Variants in RAD21L1 observed in about 807,000 individuals in gnomAD.
RAD21L1 encodes the protein double-strand-break repair protein rad21-like protein 1.
In RAD21L1, 47 loss-of-function variants were observed where a neutral mutation model predicts 69.0. The ratio of observed to expected loss-of-function variants is 0.68; its 90% CI spans 0.54 to 0.87. The LOEUF is 0.87. Among genes scored for constraint, RAD21L1 ranks in the 40% least tolerant of loss-of-function variants. The pLI is 0.00. For synonymous variants in RAD21L1, 177 were observed against 205.8 expected, an observed-to-expected ratio of 0.86 and a Z score of 1.20; for missense variants, 583 against 647.6, an observed-to-expected ratio of 0.90 and a Z score of 1.08.
At chr20:1,251,931 T>G (rs919710332) in intron 13 of RAD21L1, among the ~76,000 whole-genome samples, 1 of 152,212 alleles carries the variant, frequency 6.6e-6, no homozygotes, top group African/African-American at 2.4e-5. Flanking sequence ...TTGACATATG[T>G]GTACAACTGT....
At chr20:1,244,199 T>C (rs2087675827) in intron 11 of RAD21L1, 29 bp downstream of exon 11, 4 of 1,457,314 alleles carry the variant, frequency 2.7e-6, no homozygotes, top group Non-Finnish European at 3.7e-6. Context: ...ATCGTAAAAA[T>C]ATTTTATTTT....
chr20:1,243,644 T>A (rs952024301), intron 10 of RAD21L1, among the ~76,000 whole-genome samples: 1 of 152,196 alleles, frequency 6.6e-6, no homozygotes, highest in African/African-American at 2.4e-5. Flanking sequence ...GTATTAATAA[T>A]CACTGATTAT....
chr20:1,238,840 T>A (rs530527951), intron 6 of RAD21L1, among the ~76,000 whole-genome samples: 2 of 152,288 alleles, frequency 1.3e-5, no homozygotes, highest in African/African-American at 4.8e-5. Context: ...ATTATTATTT[T>A]TGAGACGGAG....
intron 10 of RAD21L1, 44 bp downstream of exon 10, chr20:1,243,240 A>C: frequency 1.0e-6 from 1 of 973,512 alleles, no homozygotes. Context: ...AATGCTGTGG[A>C]AACAAAAATT....
intron 8 of RAD21L1, 111 bp from the exon 9 acceptor site, chr20:1,242,508 C>G: frequency 2.5e-6 from 2 of 808,718 alleles, no homozygotes; most frequent in Non-Finnish European, 4.1e-6. Context: ...GCTAGGATTA[C>G]AGGCATGAGC....
chr20:1,242,310 T>C (rs1439192063), intron 8 of RAD21L1, among the ~76,000 whole-genome samples: 1 of 152,134 alleles, frequency 6.6e-6, no homozygotes, highest in Non-Finnish European at 1.5e-5. Context: ...TCAGCTCACT[T>C]CAACCTCTGC....
rs539878873 is a variant in RAD21L1, at chr20:1,251,946, C to A, written c.1480-2323C>A. ...TTGACATATGTGTACAACTGTAAAA[C>A]CTTCACCACAATCAAGGAGTAAACA... On this transcript the variant is annotated intron_variant, in intron 13 of 13. Transcript: ENST00000683101. Among the ~76,000 whole-genome samples, 130 of 152,082 alleles carry A rather than the reference C, an allele frequency of 8.5e-4. 2 individuals carry two copies. The highest frequency in any genetic ancestry group is 1.0e-3 in the South Asian group (5 of 4,818).
rs1318926556 is a variant in RAD21L1 at position 1,240,301 on chromosome 20, T to TA, written c.743-20_743-19insA. The TA allele has an allele frequency of 1.2e-5, 18 of 1,522,706 alleles. No homozygotes were observed. The highest frequency in any genetic ancestry group is 2.3e-5 in the Admixed American group (1 of 44,194). The allele number at this position is 1,522,706 out of a possible 1,614,324, so 94.3% of individuals were successfully genotyped here. A position where few individuals can be genotyped will look rare whatever the true frequency, so the allele number is the denominator to read the frequency against. On this transcript the variant is annotated intron_variant, in intron 7 of 13. Transcript: ENST00000683101. ...CTAACTGGTTTTTTTTACAATTACT[T>TA]TTATGTGGATGTTGATTAGTTGAAC...
intron 8 of RAD21L1, 106 bp downstream of exon 8, chr20:1,240,540 G>C: frequency 1.4e-6 from 2 of 1,420,288 alleles, no homozygotes; most frequent in Non-Finnish European, 1.8e-6. Context: ...AGTCAATCTA[G>C]TAATAGCACT....
intron 4 of RAD21L1, 140 bp from the exon 5 acceptor site, chr20:1,233,945 A>G (rs2087445037): frequency 1.9e-6 from 1 of 526,192 alleles, no homozygotes; most frequent in South Asian, 3.1e-5. Context: ...ATATACATGT[A>G]TATATAATAA....
chr20:1,240,173 T>C, intron 7 of RAD21L1, 148 bp from the exon 8 acceptor site: 2 of 1,343,436 alleles, frequency 1.5e-6, no homozygotes, highest in East Asian at 2.9e-5. Flanking sequence ...TTCAGCTCTA[T>C]TAAATAAATG....
At chr20:1,232,955 C>T (rs1016778832) in intron 4 of RAD21L1, among the ~76,000 whole-genome samples, 2 of 152,074 alleles carry the variant, frequency 1.3e-5, no homozygotes, top group African/African-American at 4.8e-5. Context: ...TAAAAGAGAC[C>T]TGTAGGAGTT....
Position 1,239,346 on chromosome 20 carries a change from A to G in RAD21L1, c.681A>G (p.Leu227=), listed in dbSNP as rs946857037. 6.5e-7 allele frequency: 1 copy of G among 1,549,510 alleles called. No homozygotes were observed. The highest frequency in any genetic ancestry group is 8.7e-7 in the Non-Finnish European group (1 of 1,144,946). ...NLLQDDQNIL[L]EDMHLNREIS... is the part of the protein sequence containing the mutation. ...TGCAAGATGATCAGAATATCCTGTT[A>G]GAAGACATGCATTTGAACAGAGAAA... The change falls in exon 7 of 14, where the codon TTA becomes TTG. Residue 227 remains leucine (L), a synonymous_variant. Transcript: ENST00000683101.
At chr20:1,234,409 A>G (rs545822807) in intron 5 of RAD21L1, among the ~76,000 whole-genome samples, 1 of 152,326 alleles carries the variant, frequency 6.6e-6, no homozygotes, top group Admixed American at 6.5e-5. Context: ...CATTTACTGA[A>G]TACCTACTCT....
intron 11 of RAD21L1, among the ~76,000 whole-genome samples, chr20:1,245,635 G>C (rs1449489879): frequency 2.6e-5 from 4 of 152,050 alleles, no homozygotes; most frequent in Non-Finnish European, 5.9e-5. Context: ...ATAGGGACTA[G>C]GAAATCTCTG....
In RAD21L1 at chr20:1,242,787, G is replaced by C; in HGVS notation, c.1025G>C (p.Gly342Ala). ...QRLMMWKKRG[G>A]VHTLLSTAAQ... is the part of the protein sequence containing the mutation. ...TTGATGATGTGGAAGAAGAGGGGAGGAGTGCATACACTTCTGTCAACTGCT... is the reference window on the plus strand; with the variant it reads ...TTGATGATGTGGAAGAAGAGGGGAGCAGTGCATACACTTCTGTCAACTGCT... The change falls in exon 9 of 14, where the codon GGA becomes GCA. Residue 342 changes from glycine (G) to alanine (A), a missense_variant. By Grantham distance (60) the Gly-to-Ala change is moderately conservative. Transcript: ENST00000683101. 1 of 1,551,554 alleles carries C rather than the reference G, an allele frequency of 6.4e-7. No individual in the cohort carries two copies. Among genetic ancestry groups the C allele is most frequent in the Non-Finnish European group, 8.7e-7 (1 of 1,146,926 alleles).
At position 1,239,368 on chromosome 20, in the gene RAD21L1, G is replaced by T. The variant is rs1305608560; in HGVS notation, c.703G>T (p.Glu235Ter). 1 of 1,550,540 alleles carries T rather than the reference G, an allele frequency of 6.4e-7. No homozygotes were observed. The highest frequency in any genetic ancestry group is 8.7e-7 in the Non-Finnish European group (1 of 1,145,930). Residue 235 changes from glutamate to a stop codon, truncating the protein, a stop_gained, in exon 7 of 14, where the codon GAA becomes TAA. Transcript: ENST00000683101. LOFTEE classifies it high-confidence loss of function. ...ILLEDMHLNR[E>*]ISLPSEPPNS... ...GTTAGAAGACATGCATTTGAACAGA[G>T]AAATTTCCCTGCCTTCTGAGCCTCC...
chr20:1,236,226 T>C (rs1235021234), intron 5 of RAD21L1, among the ~76,000 whole-genome samples: 1 of 152,184 alleles, frequency 6.6e-6, no homozygotes, highest in African/African-American at 2.4e-5. Flanking sequence ...AGTACTGCAA[T>C]ACCCTCCTAC....
At chr20:1,245,020 A>G (rs539605906) in intron 11 of RAD21L1, among the ~76,000 whole-genome samples, 1 of 152,202 alleles carries the variant, frequency 6.6e-6, no homozygotes, top group African/African-American at 2.4e-5. Context: ...GTTAAAGTGT[A>G]CCTACCGAAA....
Sources: gnomAD v4.1 joint callset for allele counts (sites outside exome capture counted in the v4.1 genomes callset) on GRCh38, gnomAD v4.1.1 for gene constraint, MANE v1.5 for transcripts, NCBI Gene and HGNC (gene_info 2026-07-23, HGNC 2026-07-21) for gene names.